Variants in MPDZ observed in about 807,000 individuals in gnomAD.
MPDZ encodes multiple PDZ domain protein.
In MPDZ, 234 loss-of-function variants were observed where a neutral mutation model predicts 239.1. The observed-to-expected ratio is 0.98, with a 90% CI of 0.88 to 1.09. MPDZ has a LOEUF of 1.09. Ranked by LOEUF, MPDZ falls within the 50% of genes least tolerant of loss-of-function variation. MPDZ has a pLI of 0.00. For missense variants in MPDZ, 3,175 were observed against 2,510.0 expected (o/e 1.26, Z -5.66); for synonymous variants, 1,048 against 881.3 (o/e 1.19, Z -3.35).
At chr9:13,169,846 C>T (rs1428441819) in intron 21 of MPDZ, among the ~76,000 whole-genome samples, 7 of 152,116 alleles carry the variant, frequency 4.6e-5, no homozygotes, top group African/African-American at 1.7e-4. Flanking sequence ...AAATGCATCT[C>T]GTCTCTGTCC....
At chr9:13,163,740 C>A (rs573177684) in intron 22 of MPDZ, among the ~76,000 whole-genome samples, 1 of 152,054 alleles carries the variant, frequency 6.6e-6, no homozygotes, top group Admixed American at 6.6e-5. Context: ...CATAATTTAT[C>A]TGTTAAAATA....
At chr9:13,215,749 G>A (rs1190260030) in intron 10 of MPDZ, among the ~76,000 whole-genome samples, 2 of 126,488 alleles carry the variant, frequency 1.6e-5, no homozygotes, top group Non-Finnish European at 3.2e-5. Flanking sequence ...TTTCTCTATT[G>A]CAGGTTTTTT....
At chr9:13,269,258 A>T (rs1189435098) in intron 1 of MPDZ, among the ~76,000 whole-genome samples, 1 of 152,246 alleles carries the variant, frequency 6.6e-6, no homozygotes, top group Non-Finnish European at 1.5e-5. Context: ...AGATAAATAT[A>T]TGGTTTTAGA....
chr9:13,277,505 G>GT (rs760965669), intron 1 of MPDZ, among the ~76,000 whole-genome samples: 1 of 152,094 alleles, frequency 6.6e-6, no homozygotes, highest in Non-Finnish European at 1.5e-5. Flanking sequence ...CCAAAGCTTA[G>GT]TATTGTATTA....
Position 13,107,142 on chromosome 9 carries a change from C to T in MPDZ, c.6067-31G>A, listed in dbSNP as rs1941596131. 2.0e-6 allele frequency: 3 copies of T among 1,529,132 alleles called. No homozygotes were observed. In the East Asian group the frequency reaches 6.9e-5, roughly 35 times the overall value. The allele number at this position is 1,529,132 out of a possible 1,614,324, so 94.7% of individuals were successfully genotyped here. On this transcript the variant is annotated intron_variant, in intron 46 of 46. Coordinates refer to ENST00000319217, the MANE Select transcript of MPDZ (RefSeq NM_001378778.1). ...AATTATAAAGTAGACTTGTTTATTT[C>T]TCAAAAAATGCTGCCTTGCAACTCA... is the stretch of plus-strand genomic sequence containing the variant.
intron 22 of MPDZ, among the ~76,000 whole-genome samples, chr9:13,163,476 G>C (rs893534867): frequency 2.0e-5 from 3 of 152,142 alleles, no homozygotes; most frequent in African/African-American, 7.2e-5. Flanking sequence ...CTGACTGAAT[G>C]CCTATTATGC....
chr9:13,182,546 T>C (rs1196287983), intron 19 of MPDZ, among the ~76,000 whole-genome samples: 2 of 152,034 alleles, frequency 1.3e-5, no homozygotes, highest in African/African-American at 4.8e-5. Flanking sequence ...TTGCTTTGCA[T>C]ATCAATTTCC....
At chr9:13,201,050 C>T (rs148811952) in intron 12 of MPDZ, among the ~76,000 whole-genome samples, 232 of 151,952 alleles carry the variant, frequency 1.5e-3, no homozygotes, top group African/African-American at 5.4e-3. Flanking sequence ...AAATCTCTCC[C>T]TTCAGGTTTA....
Position 13,112,100 on chromosome 9 carries a change from C to T in MPDZ, c.5648G>A (p.Ser1883Asn), listed in dbSNP as rs986731225. 5.0e-6 allele frequency: 8 copies of T among 1,613,148 alleles called. No individual in the cohort carries two copies. In the Admixed American group the frequency reaches 8.3e-5, roughly 17 times the overall value. The change falls in exon 43 of 47, where the codon AGC (serine) becomes AAC (asparagine). Residue 1883 changes from serine to asparagine, a missense_variant. Coordinates refer to ENST00000319217, the MANE Select transcript of MPDZ (RefSeq NM_001378778.1). ...AAATATAGGCACATCACCAAGTGGG[C>T]TGCCTACTCCTCCAGCGATGCTGAT... is the stretch of plus-strand genomic sequence containing the variant. ...LGISIAGGVGSPLGDVPIFIA... is the reference protein window; with the variant it reads ...LGISIAGGVGNPLGDVPIFIA...
chr9:13,192,474 GTTGGAA>G (rs1391201407), intron 14 of MPDZ, among the ~76,000 whole-genome samples, 179 bp from the exon 15 acceptor site: 3 of 152,060 alleles, frequency 2.0e-5, no homozygotes, highest in African/African-American at 7.2e-5. Flanking sequence ...TTAGAGTATT[GTTGGAA>G]TTGGAGCTTC....
At chr9:13,233,910 G>C (rs1430846216) in intron 3 of MPDZ, among the ~76,000 whole-genome samples, 1 of 152,144 alleles carries the variant, frequency 6.6e-6, no homozygotes, top group African/African-American at 2.4e-5. Context: ...CCACAGGGTT[G>C]ATGTGGATTC....
chr9:13,129,946 A>G (rs576194411), intron 32 of MPDZ, among the ~76,000 whole-genome samples: 52 of 152,312 alleles, frequency 3.4e-4, no homozygotes, highest in Admixed American at 7.2e-4. Context: ...AAACAAATTA[A>G]TATTATTTGG....
intron 22 of MPDZ, among the ~76,000 whole-genome samples, chr9:13,166,242 G>T (rs1015571874): frequency 6.6e-6 from 1 of 152,120 alleles, no homozygotes; most frequent in African/African-American, 2.4e-5. Flanking sequence ...AGTTCCTTTT[G>T]GGAAGATTAT....
At chr9:13,223,483 T>A (rs1483671574) in intron 5 of MPDZ, 88 bp downstream of exon 5, 1 of 1,409,998 alleles carries the variant, frequency 7.1e-7, no homozygotes, top group African/African-American at 1.5e-5. Flanking sequence ...TTGTTGCCAT[T>A]CATTATTATT....
chr9:13,218,143 C>T (rs1329455203), intron 8 of MPDZ, among the ~76,000 whole-genome samples: 1 of 151,824 alleles, frequency 6.6e-6, no homozygotes, highest in Non-Finnish European at 1.5e-5. Context: ...CAAACTCTGA[C>T]AGTCCACTTA....
intron 1 of MPDZ, among the ~76,000 whole-genome samples, chr9:13,267,683 T>A (rs762973177): frequency 6.6e-6 from 1 of 152,122 alleles, no homozygotes; most frequent in Non-Finnish European, 1.5e-5. Context: ...GTGTTTGATG[T>A]ATGGCAAGAC....
intron 18 of MPDZ, among the ~76,000 whole-genome samples, chr9:13,184,244 C>T (rs546427456): frequency 1.3e-5 from 2 of 152,056 alleles, no homozygotes; most frequent in African/African-American, 4.8e-5. Context: ...AATCCTATTG[C>T]TGTCTTCTGT....
chr9:13,160,952 G>A (rs983263944), intron 23 of MPDZ, among the ~76,000 whole-genome samples: 2 of 147,406 alleles, frequency 1.4e-5, no homozygotes, highest in Non-Finnish European at 3.0e-5. Context: ...GGGAGAATGT[G>A]CATAGGTTAT....
rs192847431 is a variant in MPDZ, at chr9:13,181,177, T to A, written c.2649+2241A>T. Among the ~76,000 whole-genome samples, 23 of 152,314 alleles carry A rather than the reference T, an allele frequency of 1.5e-4. No homozygotes were observed. In the East Asian group the frequency reaches 4.4e-3, roughly 29 times the overall value. On this transcript the variant is annotated intron_variant, in intron 19 of 46. Transcript: ENST00000319217. The stretch of plus-strand genomic sequence containing the variant: ...CTAAGGAATTGCTGAGATCCTCACA[T>A]TCTATTTTAATCCTTCTTTCAAATC...
Sources: allele counts gnomAD v4.1 joint callset (sites outside exome capture counted in the v4.1 genomes callset), GRCh38; gene constraint gnomAD v4.1.1; transcripts MANE v1.5; gene names NCBI Gene and HGNC (gene_info 2026-07-23, HGNC 2026-07-21).